ZBTB16: variants seen among roughly 807,000 people sequenced by gnomAD.
ZBTB16 encodes zinc finger and BTB domain-containing protein 16.
A neutral mutation model predicts 56.8 loss-of-function variants in ZBTB16; 8 were observed. The observed-to-expected ratio is 0.14, with a 90% CI of 0.08 to 0.25. The LOEUF (loss-of-function observed/expected upper bound fraction) is 0.25, where lower values mean the gene tolerates loss of function less well. Among genes scored for constraint, ZBTB16 ranks in the 10% least tolerant of loss-of-function variants. The probability of loss-of-function intolerance (pLI) is 1.00; values close to 1 mark genes in which losing one functional copy is unlikely to be tolerated. For missense variants in ZBTB16, 625 were observed against 903.0 expected (o/e 0.69, Z 3.95); for synonymous variants, 363 against 368.5 (o/e 0.98, Z 0.17).
At chr11:114,220,358 A>G (rs1025552949) in intron 4 of ZBTB16, among the ~76,000 whole-genome samples, 3 of 152,152 alleles carry the variant, frequency 2.0e-5, no homozygotes, top group African/African-American at 4.8e-5. Flanking sequence ...TGTGTGTGCA[A>G]TGCATGCATG....
At chr11:114,147,919 G>T (rs955489744) in intron 2 of ZBTB16, among the ~76,000 whole-genome samples, 1 of 152,168 alleles carries the variant, frequency 6.6e-6, no homozygotes, top group Non-Finnish European at 1.5e-5. Flanking sequence ...GATTGTGTGC[G>T]ATAAGATCAT....
intron 4 of ZBTB16, among the ~76,000 whole-genome samples, chr11:114,229,986 C>G (rs1375475345): frequency 6.6e-6 from 1 of 152,166 alleles, no homozygotes; most frequent in East Asian, 1.9e-4. Context: ...ATCAGAATCA[C>G]CTGATTTCTA....
At chr11:114,145,099 C>A (rs905626726) in intron 2 of ZBTB16, among the ~76,000 whole-genome samples, 1 of 152,224 alleles carries the variant, frequency 6.6e-6, no homozygotes, top group Non-Finnish European at 1.5e-5. Context: ...ACCAAAGAAG[C>A]CTCAGAACTG....
intron 2 of ZBTB16, among the ~76,000 whole-genome samples, chr11:114,081,122 G>A (rs1565614118): frequency 6.6e-6 from 1 of 152,184 alleles, no homozygotes; most frequent in African/African-American, 2.4e-5. Context: ...GCCTGTGACT[G>A]CCCAGGTCTG....
chr11:114,084,233 A>G (rs1362893817), intron 2 of ZBTB16, among the ~76,000 whole-genome samples: 1 of 151,920 alleles, frequency 6.6e-6, no homozygotes, highest in Non-Finnish European at 1.5e-5. Context: ...TCTTGCCTTT[A>G]GCTTGAATGG....
intron 2 of ZBTB16, among the ~76,000 whole-genome samples, chr11:114,136,130 G>T (rs1941791826): frequency 6.6e-6 from 1 of 152,228 alleles, no homozygotes; most frequent in South Asian, 2.1e-4. Context: ...GGGTGCTGAT[G>T]TCCTTCTCAA....
chr11:114,159,938 G>GT (rs1942531908), intron 3 of ZBTB16, among the ~76,000 whole-genome samples: 2 of 65,678 alleles, frequency 3.0e-5, no homozygotes, highest in Admixed American at 1.5e-4. Context: ...CGGGGGAGGC[G>GT]GGGGGGAGGC....
intron 4 of ZBTB16, among the ~76,000 whole-genome samples, chr11:114,232,754 G>T (rs2135175648): frequency 6.7e-6 from 1 of 150,204 alleles, no homozygotes; most frequent in East Asian, 2.0e-4. Flanking sequence ...GGCCCCCGTG[G>T]TGCCAGGGCA....
intron 2 of ZBTB16, among the ~76,000 whole-genome samples, chr11:114,150,415 A>G (rs1942253290): frequency 6.6e-6 from 1 of 152,198 alleles, no homozygotes; most frequent in African/African-American, 2.4e-5. Context: ...TGGGAGGATC[A>G]CTTGAGCCTA....
At chr11:114,095,462 G>A (rs139196790) in intron 2 of ZBTB16, among the ~76,000 whole-genome samples, 1,808 of 151,914 alleles carry the variant, frequency 0.012, 16 homozygotes, top group Middle Eastern at 0.02. Flanking sequence ...GGGTTTCACC[G>A]TGTTAGCCAG....
intron 4 of ZBTB16, among the ~76,000 whole-genome samples, chr11:114,228,793 C>T (rs962862917): frequency 2.0e-5 from 3 of 152,236 alleles, no homozygotes; most frequent in Admixed American, 6.5e-5. Context: ...CAGCTTCCCC[C>T]GCCCCCTTCC....
At chr11:114,090,965 A>G (rs1276090311) in intron 2 of ZBTB16, among the ~76,000 whole-genome samples, 2 of 152,124 alleles carry the variant, frequency 1.3e-5, no homozygotes. Context: ...CCCCTGCCCT[A>G]AGGTGGGGCT....
At chr11:114,071,551 T>C (rs1359392217) in intron 2 of ZBTB16, among the ~76,000 whole-genome samples, 3 of 152,226 alleles carry the variant, frequency 2.0e-5, no homozygotes, top group Non-Finnish European at 4.4e-5. Context: ...TCAAATTCTA[T>C]TCACAGCTCT....
At chr11:114,249,788 A>AAAAAAAAAC (rs909350435) in intron 6 of ZBTB16, among the ~76,000 whole-genome samples, 1 of 148,500 alleles carries the variant, frequency 6.7e-6, no homozygotes. Context: ...AAAAAAAAAA[A>AAAAAAAAAC]AGAGAGCTTT....
intron 2 of ZBTB16, among the ~76,000 whole-genome samples, chr11:114,112,303 T>C (rs1035037828): frequency 2.0e-5 from 3 of 152,218 alleles, no homozygotes; most frequent in African/African-American, 7.2e-5. Context: ...CTATTATTTA[T>C]TTAACTAAAA....
intron 2 of ZBTB16, among the ~76,000 whole-genome samples, chr11:114,081,535 G>A (rs1212384688): frequency 2.0e-5 from 3 of 152,100 alleles, no homozygotes; most frequent in Non-Finnish European, 4.4e-5. Flanking sequence ...CTGTCTGCTG[G>A]GCACCTGGGT....
intron 4 of ZBTB16, among the ~76,000 whole-genome samples, chr11:114,230,647 A>C (rs1944425587): frequency 7.5e-6 from 1 of 133,564 alleles, no homozygotes; most frequent in East Asian, 2.3e-4. Flanking sequence ...GGGGGCGGGA[A>C]GGAGAGGAGC....
intron 2 of ZBTB16, among the ~76,000 whole-genome samples, chr11:114,082,107 C>T (rs910824152): frequency 1.6e-4 from 13 of 81,094 alleles, no homozygotes; most frequent in Admixed American, 2.5e-4. Context: ...TATAGCGAGA[C>T]GATCTTTACA....
chr11:114,063,747 G>A lies in ZBTB16; in HGVS notation c.447G>A (p.Lys149=), dbSNP rs752368339. Residue 149 remains lysine, a synonymous_variant, in exon 2 of 7, where the codon AAG becomes AAA. Transcript: ENST00000335953. This position sits in a 1 kb window ranked among gnomAD's most constrained non-coding sequence, Gnocchi z 6.5. Reference sequence around the variant, plus strand: ...GGGCCGAGGAAGAAGAGGACCGCAAGGCTCGGTACCTCAAGAACATCTTCA... The same window carrying A: ...GGGCCGAGGAAGAAGAGGACCGCAAAGCTCGGTACCTCAAGAACATCTTCA... ...DGGAEEEEDR[K]ARYLKNIFIS... is the part of the protein sequence containing the mutation. 1.2e-6 allele frequency: 2 copies of A among 1,614,034 alleles called. No individual in the cohort carries two copies. Among genetic ancestry groups the A allele is most frequent in the Non-Finnish European group, 1.7e-6 (2 of 1,180,038 alleles).
Sources: allele counts gnomAD v4.1 joint callset (sites outside exome capture counted in the v4.1 genomes callset), GRCh38; gene constraint gnomAD v4.1.1; non-coding constraint Gnocchi (gnomAD v3.1); transcripts MANE v1.5; gene names NCBI Gene and HGNC (gene_info 2026-07-23, HGNC 2026-07-21).